Variants in DENND6A observed in about 807,000 individuals in gnomAD.
The protein encoded by DENND6A is DENN domain containing 6A.
DENND6A carries 43 observed loss-of-function variants against 95.5 expected under a neutral mutation model. The ratio of observed to expected loss-of-function variants is 0.45; its 90% CI spans 0.35 to 0.58. The LOEUF (loss-of-function observed/expected upper bound fraction) is 0.58, where lower values mean the gene tolerates loss of function less well. Ranked by LOEUF, DENND6A falls within the 20% of genes least tolerant of loss-of-function variation. The probability of loss-of-function intolerance (pLI) is 0.00; values close to 1 mark genes in which losing one functional copy is unlikely to be tolerated. For synonymous variants in DENND6A, 257 were observed against 260.4 expected (o/e 0.99, Z 0.13); for missense variants, 574 against 736.0 (o/e 0.78, Z 2.55).
intron 3 of DENND6A, among the ~76,000 whole-genome samples, chr3:57,669,216 G>A (rs978693191): frequency 3.3e-5 from 5 of 152,008 alleles, no homozygotes; most frequent in Non-Finnish European, 7.4e-5. Flanking sequence ...AAACTGTATG[G>A]ATAACTACAA....
intron 9 of DENND6A, among the ~76,000 whole-genome samples, chr3:57,650,188 G>T (rs1488524202): frequency 6.6e-6 from 1 of 151,900 alleles, no homozygotes; most frequent in Non-Finnish European, 1.5e-5. Flanking sequence ...ATTGGGTACA[G>T]TGTACATTCC....
chr3:57,652,839 T>C (rs1191856331), intron 9 of DENND6A, among the ~76,000 whole-genome samples: 1 of 152,172 alleles, frequency 6.6e-6, no homozygotes, highest in Non-Finnish European at 1.5e-5. Context: ...TCCTGTAATC[T>C]GCAAAATATC....
At chr3:57,643,417 C>G (rs1399851978) in intron 11 of DENND6A, among the ~76,000 whole-genome samples, 5 of 152,054 alleles carry the variant, frequency 3.3e-5, no homozygotes, top group African/African-American at 9.7e-5. Flanking sequence ...CCCCTCCCCC[C>G]ACAACACACA....
In DENND6A at chr3:57,692,997, C is replaced by A; in HGVS notation, c.22G>T (p.Gly8Cys). The A allele has an allele frequency of 6.6e-7, 1 of 1,504,060 alleles. No homozygotes were observed. The highest frequency in any genetic ancestry group is 8.8e-7 in the Non-Finnish European group (1 of 1,137,378). The allele number at this position is 1,504,060 out of a possible 1,614,324, so 93.2% of individuals were successfully genotyped here. MALRGPA[G>C]LGPGSRRPLD... ...GGCCTTCGAGAGCCGGGCCCCAAGC[C>A]CGCAGGGCCCCTCAAAGCCATCGGC... The change falls in exon 1 of 20, where the codon GGC becomes TGC. Residue 8 changes from glycine to cysteine, a missense_variant. Coordinates refer to ENST00000311128, the MANE Select transcript of DENND6A (RefSeq NM_152678.3).
Position 57,627,340 on chromosome 3 carries a change from CA to C in DENND6A, c.*873del, listed in dbSNP as rs1481965293. ...TGTATTTTTACTAGAGACGGGGTTTCACCATGTTGGCCAGGCTGGTCTTGGA... is the reference window on the plus strand; with the variant it reads ...TGTATTTTTACTAGAGACGGGGTTTCCCATGTTGGCCAGGCTGGTCTTGGA... On this transcript the variant is annotated 3_prime_UTR_variant, in exon 20 of 20. Transcript: ENST00000311128. The C allele has an allele frequency of 6.6e-6, 1 of 152,106 alleles. No individual in the cohort carries two copies. The highest frequency in any genetic ancestry group is 1.5e-5 in the Non-Finnish European group (1 of 68,036). The allele number at this position is 152,106 out of a possible 1,614,324, so 9.4% of individuals were successfully genotyped here. A position where few individuals can be genotyped will look rare whatever the true frequency, so the allele number is the denominator to read the frequency against.
At chr3:57,692,302 C>G (rs2077274879) in intron 1 of DENND6A, among the ~76,000 whole-genome samples, 1 of 150,432 alleles carries the variant, frequency 6.6e-6, no homozygotes, top group South Asian at 2.1e-4. Flanking sequence ...CTGAGATAAG[C>G]ATTTCGACTC....
intron 1 of DENND6A, among the ~76,000 whole-genome samples, chr3:57,675,243 A>G (rs930918780): frequency 5.3e-5 from 8 of 152,242 alleles, no homozygotes; most frequent in Non-Finnish European, 1.0e-4. Context: ...TTAGGTAAAA[A>G]AAGTTTTTGG....
chr3:57,683,175 T>C (rs1363969048), intron 1 of DENND6A, among the ~76,000 whole-genome samples: 1 of 152,146 alleles, frequency 6.6e-6, no homozygotes, highest in East Asian at 1.9e-4. Flanking sequence ...GATCCTGTAT[T>C]ACTTACAAAG....
At chr3:57,657,857 T>G (rs1247801178) in intron 8 of DENND6A, 122 bp from the exon 9 acceptor site, 1 of 585,146 alleles carries the variant, frequency 1.7e-6, no homozygotes, top group Non-Finnish European at 3.0e-6. Context: ...ATTCTCTTCC[T>G]TTAGGAACAG....
chr3:57,655,524 T>C (rs1255409658), intron 9 of DENND6A, among the ~76,000 whole-genome samples: 2 of 152,188 alleles, frequency 1.3e-5, no homozygotes, highest in Non-Finnish European at 2.9e-5. Context: ...GTTTTGAGCA[T>C]TGACATGATG....
intron 1 of DENND6A, among the ~76,000 whole-genome samples, chr3:57,674,521 C>T (rs1373830347): frequency 2.6e-5 from 4 of 152,076 alleles, no homozygotes; most frequent in African/African-American, 9.7e-5. Context: ...ATCCCAGCTA[C>T]TCCGGAGGCT....
chr3:57,662,165 G>GTTTC (rs1293165981), intron 5 of DENND6A, among the ~76,000 whole-genome samples: 1 of 112,670 alleles, frequency 8.9e-6, no homozygotes, highest in African/African-American at 3.1e-5. Context: ...CTTTATTTTT[G>GTTTC]TTTCTTTCTT....
intron 5 of DENND6A, among the ~76,000 whole-genome samples, chr3:57,662,194 T>TTC (rs2071436509): frequency 3.0e-5 from 4 of 134,244 alleles, no homozygotes; most frequent in Admixed American, 2.3e-4. Context: ...TCTTTTTTTT[T>TTC]TTTTTTTTTT....
At chr3:57,674,426 T>C (rs903497273) in intron 1 of DENND6A, among the ~76,000 whole-genome samples, 1 of 144,350 alleles carries the variant, frequency 6.9e-6, no homozygotes, top group Admixed American at 7.0e-5. Context: ...AGGTCAGGAG[T>C]TCAAGACCAG....
chr3:57,658,103 GC>G (rs1251065748), intron 8 of DENND6A, among the ~76,000 whole-genome samples: 1 of 152,006 alleles, frequency 6.6e-6, no homozygotes, highest in African/African-American at 2.4e-5. Flanking sequence ...AGGCATGGGG[GC>G]AGGCGCCTGT....
Position 57,628,246 on chromosome 3 carries a change from G to A in DENND6A, c.1795C>T (p.Gln599Ter), listed in dbSNP as rs751065476. ...AIILALPEDL[Q>*]GILLKTGMT Reference sequence around the variant, plus strand: ...ATGCCCGTTTTGAGCAGTATGCCTTGCAAGTCCTCTGGCAATGCTAAGATA... The same window carrying A: ...ATGCCCGTTTTGAGCAGTATGCCTTACAAGTCCTCTGGCAATGCTAAGATA... Residue 599 changes from glutamine to a stop codon, truncating the protein, a stop_gained, in exon 20 of 20, where the codon CAA becomes TAA. Transcript: ENST00000311128. LOFTEE classifies it high-confidence loss of function. The A allele has an allele frequency of 6.2e-7, 1 of 1,613,800 alleles. No homozygotes were observed. The highest frequency in any genetic ancestry group is 1.1e-5 in the South Asian group (1 of 91,012).
At chr3:57,679,363 A>G (rs1021488197) in intron 1 of DENND6A, 1 of 350,208 alleles carries the variant, frequency 2.9e-6, no homozygotes. Context: ...TTTCTTTTTC[A>G]TTGTTGTTGT....
chr3:57,656,192 CCCCAG>C (rs1228210308), intron 9 of DENND6A, among the ~76,000 whole-genome samples: 1 of 152,146 alleles, frequency 6.6e-6, no homozygotes, highest in Non-Finnish European at 1.5e-5. Flanking sequence ...AGATTTCCTC[CCCCAG>C]CCCCAGGTAA....
In DENND6A at chr3:57,692,931, G is replaced by A. The variant is rs1211247175; in HGVS notation, c.88C>T (p.Pro30Ser). ...AVAGAEGREA[P>S]ALVAAGGAPE... ...GCGCCTCCCGCCGCCACAAGGGCCG[G>A]CGCCTCGCGGCCCTCGGCCCCTGCC... The change falls in exon 1 of 20, where the codon CCG becomes TCG. Residue 30 changes from proline to serine, a missense_variant. Pro to Ser is a moderately conservative substitution (Grantham distance 74). Around this residue, in one of 2 missense-constraint regions of DENND6A, gnomAD observed 122 missense variants for 105.1 expected, o/e 1.16. Transcript: ENST00000311128. The A allele has an allele frequency of 1.9e-6, 3 of 1,561,578 alleles. No individual in the cohort carries two copies. The highest frequency in any genetic ancestry group is 1.4e-5 in the African/African-American group (1 of 71,206).
Sources: allele counts gnomAD v4.1 joint callset (sites outside exome capture counted in the v4.1 genomes callset), GRCh38; gene constraint gnomAD v4.1.1; regional missense constraint gnomAD v4.1.1; transcripts MANE v1.5; gene names NCBI Gene and HGNC (gene_info 2026-07-23, HGNC 2026-07-21).